Variants in ERBB4 observed in about 807,000 individuals in gnomAD.
The protein encoded by ERBB4 is erb-b2 receptor tyrosine kinase 4.
ERBB4 carries 42 observed loss-of-function variants against 158.0 expected under a neutral mutation model. That is an observed-to-expected ratio of 0.27 (90% CI 0.21 to 0.34). The LOEUF (loss-of-function observed/expected upper bound fraction) is 0.34, where lower values mean the gene tolerates loss of function less well. Among genes scored for constraint, ERBB4 ranks in the 10% least tolerant of loss-of-function variants. The pLI is 1.00. For missense variants in ERBB4, 1,333 were observed against 1,624.1 expected, an observed-to-expected ratio of 0.82 and a Z score of 3.08; for synonymous variants, 583 against 558.7, an observed-to-expected ratio of 1.04 and a Z score of -0.61.
chr2:211,435,190 C>T (rs1349548084), intron 20 of ERBB4, among the ~76,000 whole-genome samples: 1 of 152,100 alleles, frequency 6.6e-6, no homozygotes, highest in African/African-American at 2.4e-5. Context: ...AAATAAAGGT[C>T]CTTCATTATG....
chr2:212,346,931 GCAA>G (rs1209908359), intron 1 of ERBB4, among the ~76,000 whole-genome samples: 2 of 152,008 alleles, frequency 1.3e-5, no homozygotes, highest in African/African-American at 2.4e-5. Flanking sequence ...AGGCACTTTT[GCAA>G]CAACATTCTT....
intron 3 of ERBB4, among the ~76,000 whole-genome samples, chr2:211,883,626 A>G (rs1291733703): frequency 5.9e-5 from 9 of 151,960 alleles, no homozygotes; most frequent in Admixed American, 5.9e-4. Flanking sequence ...TCTCCACTAA[A>G]AATACAAAAA....
intron 14 of ERBB4, among the ~76,000 whole-genome samples, chr2:211,670,744 T>A (rs2071807467): frequency 6.6e-6 from 1 of 152,194 alleles, no homozygotes; most frequent in South Asian, 2.1e-4. Context: ...AAATAAAATG[T>A]AGGTGCAAAT....
intron 2 of ERBB4, among the ~76,000 whole-genome samples, chr2:212,095,748 C>A (rs527838943): frequency 2.6e-5 from 4 of 151,758 alleles, no homozygotes; most frequent in South Asian, 4.1e-4. Flanking sequence ...CTGGCTAACA[C>A]GGTGAAACCC....
intron 1 of ERBB4, among the ~76,000 whole-genome samples, chr2:212,193,881 T>G (rs532935974): frequency 4.6e-5 from 7 of 152,200 alleles, no homozygotes; most frequent in African/African-American, 1.7e-4. Flanking sequence ...TGGTAGACTT[T>G]CAAGACTGTT....
Position 211,893,398 on chromosome 2 carries a change from C to T in ERBB4, c.421+54032G>A, listed in dbSNP as rs965872568. Among the ~76,000 whole-genome samples, 2 of 141,912 alleles carry T rather than the reference C, an allele frequency of 1.4e-5. 1 individual carries two copies. The highest frequency in any genetic ancestry group is 5.6e-5 in the African/African-American group (2 of 35,458). 93.1% of individuals were successfully genotyped at this position (141,912 alleles called of 152,430 possible). A position where few individuals can be genotyped will look rare whatever the true frequency, so the allele number is the denominator to read the frequency against. On this transcript the variant is annotated intron_variant, in intron 3 of 27. Coordinates refer to ENST00000342788, the MANE Select transcript of ERBB4 (RefSeq NM_005235.3). ...CTGGATCCCTTCCTTACACTTTATA[C>T]AAAAATCAATTCAAGATGGATTAAA...
intron 2 of ERBB4, among the ~76,000 whole-genome samples, chr2:212,055,677 T>A (rs1008573349): frequency 2.0e-5 from 3 of 152,182 alleles, no homozygotes; most frequent in Non-Finnish European, 4.4e-5. Flanking sequence ...GGATTTGGAG[T>A]GGACCTCCAG....
rs143883698 is a variant in ERBB4, at chr2:211,508,253, T to C, written c.2487+53650A>G. ...CCACCCATCAGACAAAGGTCTAATA[T>C]CCAGAATCTACAAGGAACTTAAATT... On this transcript the variant is annotated intron_variant, in intron 20 of 27. Transcript: ENST00000342788. Among the ~76,000 whole-genome samples the C allele has an allele frequency of 4.3e-3, 653 of 151,896 alleles. 5 individuals are homozygous for C. The highest frequency in any genetic ancestry group is 0.017 in the Middle Eastern group (5 of 294).
rs2090712621 is a variant in ERBB4, at chr2:212,387,407, A to C, written c.82+151042T>G. ...TAAGGCTTTGGTACTTTCTATCTCA[A>C]CTGAAGTCTTACTTTGATACAATCT... On this transcript the variant is annotated intron_variant, in intron 1 of 27. Transcript: ENST00000342788. Among the ~76,000 whole-genome samples the C allele has an allele frequency of 2.0e-5, 3 of 152,188 alleles. No homozygotes were observed. The South Asian group carries it at 6.2e-4, about 32-fold the overall frequency.
intron 2 of ERBB4, among the ~76,000 whole-genome samples, chr2:212,070,086 C>T (rs1305511313): frequency 6.6e-6 from 1 of 152,010 alleles, no homozygotes; most frequent in East Asian, 1.9e-4. Flanking sequence ...TACCACTGTA[C>T]TCTAGCCTGG....
At chr2:211,907,301 G>T (rs1268864355) in intron 3 of ERBB4, among the ~76,000 whole-genome samples, 1 of 151,686 alleles carries the variant, frequency 6.6e-6, no homozygotes, top group Non-Finnish European at 1.5e-5. Context: ...GAAGCCAGGG[G>T]ACTGAATGAA....
In ERBB4 at chr2:212,346,589, C is replaced by A. The variant is rs115082652; in HGVS notation, c.82+191860G>T. On this transcript the variant is annotated intron_variant, in intron 1 of 27. Coordinates refer to ENST00000342788, the MANE Select transcript of ERBB4 (RefSeq NM_005235.3). ...AAATGAAAGTTTGCATAAACTTTTC[C>A]TGAAACAATGATTCAAAACACCAAC... 7.2e-3 allele frequency among the ~76,000 whole-genome samples: 1,000 copies of A among 138,786 alleles called. 14 individuals are homozygous for A. Among genetic ancestry groups the A allele is most frequent in the African/African-American group, 0.026 (960 of 36,742 alleles). 91.0% of individuals were successfully genotyped at this position (138,786 alleles called of 152,430 possible).
At chr2:212,375,183 G>C (rs1432047982) in intron 1 of ERBB4, among the ~76,000 whole-genome samples, 1 of 151,984 alleles carries the variant, frequency 6.6e-6, no homozygotes, top group African/African-American at 2.4e-5. Flanking sequence ...TCATGGATAT[G>C]ACAAGTCTTA....
intron 4 of ERBB4, among the ~76,000 whole-genome samples, chr2:211,771,386 T>C (rs1200403175): frequency 3.3e-5 from 5 of 152,328 alleles, no homozygotes; most frequent in African/African-American, 9.6e-5. Context: ...TAGTTGAAGG[T>C]GGAAAATTGC....
intron 1 of ERBB4, among the ~76,000 whole-genome samples, chr2:212,531,297 A>G (rs1692743429): frequency 6.6e-6 from 1 of 152,192 alleles, no homozygotes; most frequent in Non-Finnish European, 1.5e-5. Flanking sequence ...CTACAACCAG[A>G]GAGCATTAAG....
At chr2:211,930,464 G>T (rs760759611) in intron 3 of ERBB4, among the ~76,000 whole-genome samples, 52 of 152,252 alleles carry the variant, frequency 3.4e-4, no homozygotes, top group Non-Finnish European at 6.0e-4. Flanking sequence ...TTGGAGTAAA[G>T]ATTCTAATTT....
chr2:212,464,162 G>T (rs1189078274), intron 1 of ERBB4, among the ~76,000 whole-genome samples: 1 of 152,022 alleles, frequency 6.6e-6, no homozygotes, highest in Non-Finnish European at 1.5e-5. Context: ...TCTTAGCTGG[G>T]AATGATTAAA....
intron 5 of ERBB4, among the ~76,000 whole-genome samples, chr2:211,726,860 C>T (rs1459568971): frequency 2.0e-5 from 3 of 152,148 alleles, no homozygotes; most frequent in Non-Finnish European, 4.4e-5. Flanking sequence ...CAAAAGCCCT[C>T]CATAAGTTGA....
chr2:212,306,512 T>A (rs2086815506), intron 1 of ERBB4, among the ~76,000 whole-genome samples: 1 of 151,460 alleles, frequency 6.6e-6, no homozygotes, highest in African/African-American at 2.4e-5. Flanking sequence ...GAAATTGCAT[T>A]TTCATCCATA....
Sources: gnomAD v4.1 joint callset for allele counts (sites outside exome capture counted in the v4.1 genomes callset) on GRCh38, gnomAD v4.1.1 for gene constraint, MANE v1.5 for transcripts, NCBI Gene and HGNC (gene_info 2026-07-23, HGNC 2026-07-21) for gene names.